Variants in HEPHL1 observed in about 807,000 individuals in gnomAD.
The protein encoded by HEPHL1 is hephaestin like 1.
A neutral mutation model predicts 122.0 loss-of-function variants in HEPHL1; 123 were observed. The observed-to-expected ratio is 1.01, with a 90% CI of 0.87 to 1.17. The LOEUF is 1.17. Ranked by LOEUF, HEPHL1 falls within the 50% of genes most tolerant of loss-of-function variation. HEPHL1 has a pLI of 0.00. For synonymous variants in HEPHL1, 527 were observed against 508.9 expected (o/e 1.04, Z -0.48); for missense variants, 1,452 against 1,430.5 (o/e 1.01, Z -0.24).
intron 5 of HEPHL1, among the ~76,000 whole-genome samples, chr11:94,069,159 C>T (rs759053226): frequency 2.0e-5 from 3 of 152,168 alleles, no homozygotes; most frequent in Non-Finnish European, 4.4e-5. Context: ...CTAGTAAGAT[C>T]GCTAAATTAG....
Position 94,082,466 on chromosome 11 carries a change from A to G in HEPHL1, c.1765A>G (p.Asn589Asp). Residue 589 changes from asparagine (N) to aspartate (D), a missense_variant, in exon 10 of 20, where the codon AAT becomes GAT. Transcript: ENST00000315765. ...CCTACTGTTCACAGTCTTTGATGAGAATCTGAGCAGATATTTTGATGAAAA... is the reference window on the plus strand; with the variant it reads ...CCTACTGTTCACAGTCTTTGATGAGGATCTGAGCAGATATTTTGATGAAAA... ...FYLLFTVFDE[N>D]LSRYFDENIQ... is the part of the protein sequence containing the mutation. 6.2e-7 allele frequency: 1 copy of G among 1,612,640 alleles called. No homozygotes were observed. The highest frequency in any genetic ancestry group is 8.5e-7 in the Non-Finnish European group (1 of 1,178,766).
Position 94,106,015 on chromosome 11 carries a change from A to C in HEPHL1, c.2930A>C (p.Asn977Thr), listed in dbSNP as rs767188422. The C allele has an allele frequency of 1.9e-6, 3 of 1,579,468 alleles. No homozygotes were observed. The highest frequency in any genetic ancestry group is 2.6e-6 in the Non-Finnish European group (3 of 1,158,406). The part of the protein sequence containing the change: ...MHAINGKIFG[N>T]LHGLIMNEDT... ...GCCATTAATGGAAAGATTTTTGGGA[A>C]TCTCCATGGCCTCATAATGAACGAA... is the stretch of plus-strand genomic sequence containing the variant. The change falls in exon 17 of 20, where the codon AAT (asparagine) becomes ACT (threonine). Residue 977 changes from asparagine (N) to threonine (T), a missense_variant. Physicochemically the swap from Asn to Thr is moderately conservative, Grantham distance 65. Coordinates refer to ENST00000315765, the MANE Select transcript of HEPHL1 (RefSeq NM_001098672.2).
At chr11:94,092,942 C>T (rs1591485141) in intron 12 of HEPHL1, among the ~76,000 whole-genome samples, 1 of 152,198 alleles carries the variant, frequency 6.6e-6, no homozygotes, top group South Asian at 2.1e-4. Flanking sequence ...GGGTGAATAA[C>T]AAGTATCAAC....
chr11:94,097,589 A>G (rs1047459737), intron 13 of HEPHL1, among the ~76,000 whole-genome samples: 1 of 152,016 alleles, frequency 6.6e-6, no homozygotes, highest in Admixed American at 6.6e-5. Context: ...TTTCTGTCTC[A>G]TTGATCTGTC....
At chr11:94,090,212 T>C (rs1299208509) in intron 12 of HEPHL1, among the ~76,000 whole-genome samples, 1 of 152,044 alleles carries the variant, frequency 6.6e-6, no homozygotes, top group Non-Finnish European at 1.5e-5. Context: ...GCAAAACTAG[T>C]GCTGCCAATA....
intron 2 of HEPHL1, among the ~76,000 whole-genome samples, chr11:94,048,856 C>T (rs1383129030): frequency 6.6e-6 from 1 of 152,148 alleles, no homozygotes; most frequent in African/African-American, 2.4e-5. Context: ...CATGGTGGCT[C>T]ATGCCTATAA....
intron 6 of HEPHL1, 43 bp downstream of exon 6, chr11:94,070,585 A>C: frequency 6.7e-7 from 1 of 1,493,608 alleles, no homozygotes; most frequent in Non-Finnish European, 9.2e-7. Context: ...TCGTCAGAGA[A>C]GCATGTGTTA....
At position 94,082,559 on chromosome 11, in the gene HEPHL1, C is replaced by T. The variant is rs752127877; in HGVS notation, c.1858C>T (p.Arg620Ter). Residue 620 changes from arginine (R) to a stop codon, truncating the protein, a stop_gained, in exon 10 of 20, where the codon CGA becomes TGA. Coordinates refer to ENST00000315765, the MANE Select transcript of HEPHL1 (RefSeq NM_001098672.2). LOFTEE classifies it high-confidence loss of function. ...KEDKEFVKSNRMHAVNGYMYG... is the reference protein window; with the variant it reads ...KEDKEFVKSN Reference sequence around the variant, plus strand: ...AGATAAAGAGTTTGTGAAATCCAACCGAATGCATGGTATGACAAATGACAT... The same window carrying T: ...AGATAAAGAGTTTGTGAAATCCAACTGAATGCATGGTATGACAAATGACAT... 1.9e-5 allele frequency: 30 copies of T among 1,608,610 alleles called. No homozygotes were observed. The highest frequency in any genetic ancestry group is 7.8e-5 in the South Asian group (7 of 89,686).
chr11:94,042,683 C>G (rs1242733508), intron 1 of HEPHL1, among the ~76,000 whole-genome samples: 1 of 133,318 alleles, frequency 7.5e-6, no homozygotes, highest in Non-Finnish European at 1.5e-5. Context: ...AATGAGATCA[C>G]ATGGACACAG....
At chr11:94,039,579 G>T (rs1055846759) in intron 1 of HEPHL1, among the ~76,000 whole-genome samples, 2 of 151,576 alleles carry the variant, frequency 1.3e-5, no homozygotes, top group Non-Finnish European at 2.9e-5. Flanking sequence ...ACTCAAAGCC[G>T]CTCAACTACA....
intron 12 of HEPHL1, 125 bp from the exon 13 acceptor site, chr11:94,093,376 C>T: frequency 9.7e-7 from 1 of 1,031,074 alleles, no homozygotes; most frequent in Non-Finnish European, 1.5e-6. Context: ...GCCTGCTCCC[C>T]AGGGAGCACT....
At chr11:94,099,509 G>A (rs923313251) in intron 13 of HEPHL1, among the ~76,000 whole-genome samples, 59 of 152,156 alleles carry the variant, frequency 3.9e-4, no homozygotes, top group Non-Finnish European at 7.2e-4. Context: ...CTCAAACTCT[G>A]TGCTGGGAGA....
intron 1 of HEPHL1, among the ~76,000 whole-genome samples, chr11:94,037,022 C>T (rs1473145955): frequency 2.0e-5 from 3 of 152,094 alleles, no homozygotes; most frequent in East Asian, 1.9e-4. Flanking sequence ...GCACCGTGCA[C>T]GAGCCGAAGC....
In HEPHL1 at chr11:94,111,934, C is replaced by A. The variant is rs1269839281; in HGVS notation, c.*40C>A. 7.0e-7 allele frequency: 1 copy of A among 1,424,264 alleles called. No individual in the cohort carries two copies. Among genetic ancestry groups the A allele is most frequent in the Non-Finnish European group, 9.3e-7 (1 of 1,069,610 alleles). The allele number at this position is 1,424,264 out of a possible 1,614,324, so 88.2% of individuals were successfully genotyped here. ...CTCAACAGGAAAGGGTGATGTCCCACAGCTGGCCAGATGGCAGCCAACAGG... is the reference window on the plus strand; with the variant it reads ...CTCAACAGGAAAGGGTGATGTCCCAAAGCTGGCCAGATGGCAGCCAACAGG... On this transcript the variant is annotated 3_prime_UTR_variant, in exon 20 of 20. Coordinates refer to ENST00000315765, the MANE Select transcript of HEPHL1 (RefSeq NM_001098672.2).
intron 1 of HEPHL1, among the ~76,000 whole-genome samples, chr11:94,034,279 C>T (rs4753117): frequency 0.54 from 81,908 of 151,984 alleles, 22,313 homozygotes; most frequent in South Asian, 0.57. Flanking sequence ...CTGCTCCATG[C>T]GGGATGGATT....
At chr11:94,047,575 A>G (rs1945851502) in intron 2 of HEPHL1, among the ~76,000 whole-genome samples, 1 of 152,022 alleles carries the variant, frequency 6.6e-6, no homozygotes, top group Non-Finnish European at 1.5e-5. Context: ...TCCAAGGTGT[A>G]TATGCATGTC....
chr11:94,028,542 T>C lies in HEPHL1; in HGVS notation c.170+7004T>C, dbSNP rs192184203. On this transcript the variant is annotated intron_variant, in intron 1 of 19. Transcript: ENST00000315765. ...TTGGCCCCAGGCACTGGCAATGTAA[T>C]GTTCCAAGTCCCCATCTTGTCTTTA... Among the ~76,000 whole-genome samples, 179 of 152,314 alleles carry C rather than the reference T, an allele frequency of 1.2e-3. 2 individuals carry two copies. The highest frequency in any genetic ancestry group is 4.0e-3 in the African/African-American group (166 of 41,580).
At chr11:94,084,371 A>AATAT (rs1391593084) in intron 10 of HEPHL1, among the ~76,000 whole-genome samples, 1 of 148,714 alleles carries the variant, frequency 6.7e-6, no homozygotes, top group Non-Finnish European at 1.5e-5. Flanking sequence ...TAAATAAATA[A>AATAT]ATAAATATAT....
intron 4 of HEPHL1, among the ~76,000 whole-genome samples, chr11:94,066,419 T>A (rs1033735640): frequency 6.6e-6 from 1 of 152,108 alleles, no homozygotes; most frequent in African/African-American, 2.4e-5. Flanking sequence ...CTGGTCATGG[T>A]GGTGGGCACC....
Sources: gnomAD v4.1 joint callset for allele counts (sites outside exome capture counted in the v4.1 genomes callset) on GRCh38, gnomAD v4.1.1 for gene constraint, MANE v1.5 for transcripts, NCBI Gene and HGNC (gene_info 2026-07-23, HGNC 2026-07-21) for gene names.